The following TAFA4 variants were observed in gnomAD, a reference collection of about 807,000 sequenced individuals.
The protein encoded by TAFA4 is TAFA chemokine like family member 4, also known as chemokine-like protein TAFA-4.
TAFA4 carries 20 observed loss-of-function variants against 21.1 expected under a neutral mutation model. That is an observed-to-expected ratio of 0.95 (90% CI 0.67 to 1.38). The LOEUF is 1.38. Among genes scored for constraint, TAFA4 ranks in the 40% most tolerant of loss-of-function variants. The probability of loss-of-function intolerance (pLI) is 0.00; values close to 1 mark genes in which losing one functional copy is unlikely to be tolerated. For synonymous variants in TAFA4, 71 were observed against 67.4 expected (o/e 1.05, Z -0.26); for missense variants, 211 against 180.9 (o/e 1.17, Z -0.95).
chr3:68,813,033 G>A (rs923699801), intron 3 of TAFA4, among the ~76,000 whole-genome samples: 37 of 151,970 alleles, frequency 2.4e-4, no homozygotes, highest in Non-Finnish European at 4.4e-4. Context: ...ACTCAAAACC[G>A]CTCAACTACA....
At chr3:68,886,956 C>G (rs2089678884) in intron 1 of TAFA4, among the ~76,000 whole-genome samples, 1 of 152,172 alleles carries the variant, frequency 6.6e-6, no homozygotes, top group South Asian at 2.1e-4. Context: ...AACTCATGTT[C>G]TTCTTACATA....
At chr3:68,865,029 T>C (rs2106928434) in intron 3 of TAFA4, among the ~76,000 whole-genome samples, 1 of 152,264 alleles carries the variant, frequency 6.6e-6, no homozygotes, top group South Asian at 2.1e-4. Flanking sequence ...TCATTACTTT[T>C]ATTATTAAGA....
intron 4 of TAFA4, among the ~76,000 whole-genome samples, chr3:68,740,998 G>T (rs1702338818): frequency 6.6e-6 from 1 of 152,092 alleles, no homozygotes; most frequent in Admixed American, 6.5e-5. Flanking sequence ...TGTTCCATGG[G>T]TCTACATGTC....
intron 1 of TAFA4, among the ~76,000 whole-genome samples, chr3:68,908,680 T>C (rs534127059): frequency 4.6e-5 from 7 of 152,344 alleles, no homozygotes; most frequent in African/African-American, 1.7e-4. Context: ...GGACTGCACA[T>C]AGAATGTCTT....
chr3:68,919,701 T>C (rs141599014), intron 1 of TAFA4, among the ~76,000 whole-genome samples: 1 of 152,330 alleles, frequency 6.6e-6, no homozygotes, highest in African/African-American at 2.4e-5. Context: ...GTTTGGAACA[T>C]TTCCACCATC....
At chr3:68,754,304 C>G (rs182579074) in intron 3 of TAFA4, among the ~76,000 whole-genome samples, 21 of 152,308 alleles carry the variant, frequency 1.4e-4, no homozygotes, top group South Asian at 1.0e-3. Context: ...AGAATCCAAC[C>G]AAGGTGCATG....
chr3:68,838,393 C>T (rs534697926), intron 3 of TAFA4, among the ~76,000 whole-genome samples: 122 of 152,116 alleles, frequency 8.0e-4, no homozygotes, highest in Non-Finnish European at 1.5e-3. Context: ...AATTATTGAA[C>T]ACCAAATGTT....
intron 1 of TAFA4, among the ~76,000 whole-genome samples, chr3:68,892,471 TGG>T (rs887029812): frequency 2.0e-5 from 3 of 152,142 alleles, no homozygotes; most frequent in African/African-American, 7.2e-5. Flanking sequence ...AATCAGTTAA[TGG>T]GTATGACGTA....
intron 3 of TAFA4, among the ~76,000 whole-genome samples, chr3:68,775,926 A>T (rs972187775): frequency 5.9e-5 from 9 of 152,210 alleles, no homozygotes; most frequent in African/African-American, 2.2e-4. Flanking sequence ...CAAGAAAGCA[A>T]GAAAAAATGA....
intron 3 of TAFA4, among the ~76,000 whole-genome samples, chr3:68,857,822 A>G (rs1346658228): frequency 6.6e-6 from 1 of 150,464 alleles, no homozygotes; most frequent in African/African-American, 2.5e-5. Flanking sequence ...AAAAAAAAAC[A>G]AAAAGAAAAA....
intron 3 of TAFA4, among the ~76,000 whole-genome samples, chr3:68,858,929 T>C (rs1197984379): frequency 1.3e-5 from 2 of 151,864 alleles, no homozygotes; most frequent in African/African-American, 4.8e-5. Context: ...GGGGTCAATG[T>C]AAATGACAGA....
chr3:68,780,037 A>G lies in TAFA4; in HGVS notation c.131-27019T>C, dbSNP rs534162051. On this transcript the variant is annotated intron_variant, in intron 3 of 5. Coordinates refer to ENST00000295569, the MANE Select transcript of TAFA4 (RefSeq NM_182522.5). ...CATCAGCATGACCTTGATGTGAGAC[A>G]TGGAGTCAAAGGATATCATTTTGGA... 6.0e-4 allele frequency among the ~76,000 whole-genome samples: 92 copies of G among 152,336 alleles called. 1 individual carries two copies. Among genetic ancestry groups the G allele is most frequent in the Admixed American group, 6.0e-3 (92 of 15,302 alleles).
chr3:68,733,957 AC>A (rs1702196433), intron 5 of TAFA4, among the ~76,000 whole-genome samples: 1 of 151,768 alleles, frequency 6.6e-6, no homozygotes, highest in African/African-American at 2.4e-5. Context: ...CTAAACAAAA[AC>A]CCTGCCCCCA....
chr3:68,736,096 T>G (rs1212278969), intron 5 of TAFA4, among the ~76,000 whole-genome samples: 1 of 152,124 alleles, frequency 6.6e-6, no homozygotes, highest in Non-Finnish European at 1.5e-5. Context: ...CTAAAATGTC[T>G]TAAGATTCAA....
chr3:68,824,165 T>C (rs1704174869), intron 3 of TAFA4, among the ~76,000 whole-genome samples: 1 of 152,206 alleles, frequency 6.6e-6, no homozygotes. Flanking sequence ...AGATCATTTG[T>C]GAATACTTCC....
chr3:68,920,329 CAT>C (rs2090046487), intron 1 of TAFA4, among the ~76,000 whole-genome samples: 1 of 152,296 alleles, frequency 6.6e-6, no homozygotes, highest in Middle Eastern at 3.4e-3. Flanking sequence ...ACATAACTAA[CAT>C]AAATAGCAAA....
chr3:68,862,390 G>A (rs573035604), intron 3 of TAFA4, among the ~76,000 whole-genome samples: 110 of 152,286 alleles, frequency 7.2e-4, no homozygotes, highest in African/African-American at 2.5e-3. Context: ...CTTATAGGGT[G>A]ATTGCGGGTA....
chr3:68,872,416 G>C (rs141878570), intron 3 of TAFA4, among the ~76,000 whole-genome samples: 1 of 152,006 alleles, frequency 6.6e-6, no homozygotes, highest in Non-Finnish European at 1.5e-5. Context: ...TGGGAGGAGG[G>C]AGAGATGAAC....
chr3:68,914,055 T>A (rs1228321769), intron 1 of TAFA4, among the ~76,000 whole-genome samples: 2 of 152,208 alleles, frequency 1.3e-5, no homozygotes, highest in Non-Finnish European at 2.9e-5. Flanking sequence ...AAATGAGTGC[T>A]TACATCTGCC....
Sources: allele counts gnomAD v4.1 joint callset (sites outside exome capture counted in the v4.1 genomes callset), GRCh38; gene constraint gnomAD v4.1.1; transcripts MANE v1.5; gene names NCBI Gene and HGNC (gene_info 2026-07-23, HGNC 2026-07-21).